The following GABRG3 variants were observed in gnomAD, a reference collection of about 807,000 sequenced individuals.
GABRG3 encodes gamma-aminobutyric acid receptor subunit gamma-3.
A neutral mutation model predicts 48.8 loss-of-function variants in GABRG3; 25 were observed. The ratio of observed to expected loss-of-function variants is 0.51; its 90% confidence interval spans 0.37 to 0.72. GABRG3 has a LOEUF of 0.72. Ranked by LOEUF, GABRG3 falls within the 30% of genes least tolerant of loss-of-function variation. The pLI, the probability that GABRG3 is intolerant of heterozygous loss-of-function variation, is 0.00. For synonymous variants in GABRG3, 227 were observed against 217.6 expected (o/e 1.04, Z -0.38); for missense variants, 394 against 577.9 (o/e 0.68, Z 3.26).
chr15:27,268,738 T>G, intron 3 of GABRG3, among the ~76,000 whole-genome samples: 1 of 100,864 alleles, frequency 9.9e-6, no homozygotes, highest in Admixed American at 9.3e-5. Flanking sequence ...TTTCAAATAT[T>G]TTATCTCTGT....
chr15:26,977,955 T>G (rs935864978), intron 2 of GABRG3, among the ~76,000 whole-genome samples: 5 of 152,236 alleles, frequency 3.3e-5, no homozygotes, highest in Admixed American at 1.3e-4. Context: ...ATCTGAGAGA[T>G]CCAGTTTCTT....
chr15:26,984,336 A>T (rs1240155066), intron 2 of GABRG3, among the ~76,000 whole-genome samples: 2 of 152,184 alleles, frequency 1.3e-5, no homozygotes, highest in Admixed American at 1.3e-4. Context: ...ATCATCAGGA[A>T]ACAATTGTGC....
At chr15:27,214,263 G>A (rs1265031318) in intron 3 of GABRG3, among the ~76,000 whole-genome samples, 2 of 152,206 alleles carry the variant, frequency 1.3e-5, no homozygotes, top group African/African-American at 2.4e-5. Context: ...CACGGAATGT[G>A]AAATGAACAT....
At chr15:27,366,237 G>C (rs1405204605) in intron 5 of GABRG3, 2 of 152,196 alleles carry the variant, frequency 1.3e-5, no homozygotes, top group Non-Finnish European at 2.9e-5. Flanking sequence ...GGCAGAAGGA[G>C]CCCCAAGATC....
chr15:27,019,184 T>G (rs1566910602), intron 2 of GABRG3, among the ~76,000 whole-genome samples: 1 of 146,000 alleles, frequency 6.8e-6, no homozygotes, highest in Non-Finnish European at 1.5e-5. Flanking sequence ...TTCTCCTGCC[T>G]CAGCCTCCCG....
rs143283642 is a variant in GABRG3 at position 27,201,589 on chromosome 15, G to A, written c.271-125220G>A. On this transcript the variant is annotated intron_variant, in intron 3 of 9. Transcript: ENST00000615808. ...GGTCTGTAACACTTACACCTTGAGAGCTGGATTAGTCCAAAGAGGAGGCGC... is the reference window on the plus strand; with the variant it reads ...GGTCTGTAACACTTACACCTTGAGAACTGGATTAGTCCAAAGAGGAGGCGC... Among the ~76,000 whole-genome samples, 37 of 137,896 alleles carry A rather than the reference G, an allele frequency of 2.7e-4. No individual in the cohort carries two copies. The East Asian group carries it at 6.9e-3, about 26-fold the overall frequency. 90.5% of individuals were successfully genotyped at this position (137,896 alleles called of 152,430 possible).
At position 27,227,343 on chromosome 15, in the gene GABRG3, T is replaced by A. The variant is rs866319100; in HGVS notation, c.271-99466T>A. Among the ~76,000 whole-genome samples, 3 of 151,956 alleles carry A rather than the reference T, an allele frequency of 2.0e-5. No individual in the cohort carries two copies. In the South Asian group the frequency reaches 6.2e-4, roughly 32 times the overall value. On this transcript the variant is annotated intron_variant, in intron 3 of 9. Coordinates refer to ENST00000615808, the MANE Select transcript of GABRG3 (RefSeq NM_033223.5). ...CTGTCTCCTCCAAAAACAGAAAAGTTACCTGGGCCTGGGCGTGGTGGTGTG... is the reference window on the plus strand; with the variant it reads ...CTGTCTCCTCCAAAAACAGAAAAGTAACCTGGGCCTGGGCGTGGTGGTGTG...
At chr15:27,271,705 C>G in intron 3 of GABRG3, 1 of 443,998 alleles carries the variant, frequency 2.3e-6, no homozygotes, top group Non-Finnish European at 4.5e-6. Flanking sequence ...GCTGGCACAG[C>G]GCCAGAGGGA....
intron 3 of GABRG3, among the ~76,000 whole-genome samples, chr15:27,139,864 C>A (rs1472077393): frequency 6.6e-6 from 1 of 152,140 alleles, no homozygotes; most frequent in African/African-American, 2.4e-5. Context: ...CCCCCAACCA[C>A]TGGGGAGCAG....
rs1214909038 is a variant in GABRG3 at position 26,995,659 on chromosome 15, G to A, written c.202+18509G>A. ...GTAGGCTTGTCATTAGCAAGCCTACGGCAATATACATGTCATTGAAATTTT... is the reference window on the plus strand; with the variant it reads ...GTAGGCTTGTCATTAGCAAGCCTACAGCAATATACATGTCATTGAAATTTT... On this transcript the variant is annotated intron_variant, in intron 2 of 9. Coordinates refer to ENST00000615808, the MANE Select transcript of GABRG3 (RefSeq NM_033223.5). Among the ~76,000 whole-genome samples, 2 of 151,690 alleles carry A rather than the reference G, an allele frequency of 1.3e-5. 1 individual carries two copies. Among genetic ancestry groups the A allele is most frequent in the East Asian group, 3.9e-4 (2 of 5,186 alleles).
chr15:27,509,671 T>A (rs1182233130), intron 6 of GABRG3, among the ~76,000 whole-genome samples: 1 of 152,194 alleles, frequency 6.6e-6, no homozygotes, highest in Non-Finnish European at 1.5e-5. Context: ...ACATTTTTGA[T>A]TTCTTGTACT....
At chr15:27,425,580 C>T (rs1239238395) in intron 5 of GABRG3, among the ~76,000 whole-genome samples, 1 of 151,962 alleles carries the variant, frequency 6.6e-6, no homozygotes, top group East Asian at 1.9e-4. Flanking sequence ...CACTGCACAC[C>T]AGCCTGGGTG....
chr15:27,364,159 C>T (rs1255831150), intron 5 of GABRG3: 1 of 152,196 alleles, frequency 6.6e-6, no homozygotes, highest in Admixed American at 6.5e-5. Flanking sequence ...TTTGTTGTTA[C>T]ATCAAGCTTG....
chr15:27,509,882 T>A (rs1276923082), intron 6 of GABRG3, among the ~76,000 whole-genome samples: 1 of 152,256 alleles, frequency 6.6e-6, no homozygotes, highest in Admixed American at 6.5e-5. Flanking sequence ...TTCAGGCTGC[T>A]ATTTTTGGTT....
rs183883716 is a variant in GABRG3, at chr15:27,450,726, C to T, written c.575-29924C>T. On this transcript the variant is annotated intron_variant, in intron 5 of 9. Transcript: ENST00000615808. ...CAGAGCAATAAGGCAATAAAAATGTCGGGGGTGGGGGGGTGGCATCCAAAT... is the reference window on the plus strand; with the variant it reads ...CAGAGCAATAAGGCAATAAAAATGTTGGGGGTGGGGGGGTGGCATCCAAAT... 7.3e-5 allele frequency among the ~76,000 whole-genome samples: 11 copies of T among 149,964 alleles called. No homozygotes were observed. In the East Asian group the frequency reaches 8.0e-4, roughly 11 times the overall value.
At chr15:27,511,774 G>C (rs1313724217) in intron 6 of GABRG3, among the ~76,000 whole-genome samples, 1 of 152,224 alleles carries the variant, frequency 6.6e-6, no homozygotes, top group African/African-American at 2.4e-5. Context: ...AGCAGGGAAA[G>C]GGGTAACAGA....
chr15:27,086,523 T>C (rs1179479469), intron 3 of GABRG3, among the ~76,000 whole-genome samples: 1 of 152,200 alleles, frequency 6.6e-6, no homozygotes, highest in Non-Finnish European at 1.5e-5. Context: ...ACTTTTCAAA[T>C]TGGAAAGTCC....
intron 5 of GABRG3, among the ~76,000 whole-genome samples, chr15:27,379,985 A>G (rs989278968): frequency 3.2e-5 from 4 of 125,560 alleles, no homozygotes; most frequent in African/African-American, 1.2e-4. Context: ...GTGTTTTCCT[A>G]TCTTTTTTTT....
intron 3 of GABRG3, among the ~76,000 whole-genome samples, chr15:27,132,146 A>G (rs559043851): frequency 2.6e-5 from 4 of 152,086 alleles, no homozygotes; most frequent in African/African-American, 7.2e-5. Flanking sequence ...ATGTAATCCA[A>G]TTTGTCTATT....
Sources: allele counts gnomAD v4.1 joint callset (sites outside exome capture counted in the v4.1 genomes callset), GRCh38; gene constraint gnomAD v4.1.1; transcripts MANE v1.5; gene names NCBI Gene and HGNC (gene_info 2026-07-23, HGNC 2026-07-21).